CNBD1: variants seen among roughly 807,000 people sequenced by gnomAD.
The protein encoded by CNBD1 is cyclic nucleotide binding domain containing 1.
In CNBD1, 71 loss-of-function variants were observed where a neutral mutation model predicts 54.4. The ratio of observed to expected loss-of-function variants is 1.30; its 90% CI spans 1.08 to 1.59. The LOEUF (loss-of-function observed/expected upper bound fraction) is 1.59. CNBD1 is among the 40% of genes most tolerant of loss of function. The probability of loss-of-function intolerance (pLI) is 0.00; values close to 1 mark genes in which losing one functional copy is unlikely to be tolerated. For synonymous variants in CNBD1, 182 were observed against 170.7 expected, an observed-to-expected ratio of 1.07 and a Z score of -0.51; for missense variants, 659 against 518.0, an observed-to-expected ratio of 1.27 and a Z score of -2.64.
rs1218972535 is a variant in CNBD1 at position 87,395,276 on chromosome 8, A to G, written c.214-33270A>G. Among the ~76,000 whole-genome samples the G allele has an allele frequency of 2.6e-5, 4 of 151,878 alleles. No homozygotes were observed. The Admixed American group carries it at 2.6e-4, about 10-fold the overall frequency. On this transcript the variant is annotated intron_variant, in intron 2 of 7. Transcript: ENST00000521593. ...GTTATGAGGATACATAGCTTCCTGT[A>G]TGCTTGTGATATTGGCATAGTATAT... is the stretch of plus-strand genomic sequence containing the variant.
rs892867684 is a variant in CNBD1 at position 87,206,268 on chromosome 8, T to C, written c.577+130T>C. On this transcript the variant is annotated intron_variant, in intron 5 of 10. Coordinates refer to ENST00000518476, the MANE Select transcript of CNBD1 (RefSeq NM_173538.3). ...ACATGGTAAAAATGTACTATTTGGGTGTGTTTCATTTGTAAGTTTATAAGT... is the reference window on the plus strand; with the variant it reads ...ACATGGTAAAAATGTACTATTTGGGCGTGTTTCATTTGTAAGTTTATAAGT... 3 of 693,220 alleles carry C rather than the reference T, an allele frequency of 4.3e-6. No homozygotes were observed. The Admixed American group carries it at 1.2e-4, about 28-fold the overall frequency. The allele number at this position is 693,220 out of a possible 1,614,324, so 42.9% of individuals were successfully genotyped here.
intron 4 of CNBD1, among the ~76,000 whole-genome samples, chr8:87,033,097 T>G (rs1336497555): frequency 6.6e-6 from 1 of 152,222 alleles, no homozygotes; most frequent in Non-Finnish European, 1.5e-5. Context: ...GTTTCAGGCT[T>G]GATGACCTTT....
chr8:86,988,709 T>C (rs1808668645), intron 4 of CNBD1, among the ~76,000 whole-genome samples: 1 of 152,098 alleles, frequency 6.6e-6, no homozygotes, highest in African/African-American at 2.4e-5. Context: ...CATTATTCTC[T>C]TCTCTACCTC....
intron 8 of CNBD1, among the ~76,000 whole-genome samples, chr8:87,291,171 T>G (rs1188093683): frequency 6.6e-6 from 1 of 152,200 alleles, no homozygotes; most frequent in African/African-American, 2.4e-5. Context: ...GGGCCATACC[T>G]ATATCTCAAA....
At chr8:87,373,076 T>A (rs1810851753) in intron 10 of CNBD1, among the ~76,000 whole-genome samples, 3 of 151,814 alleles carry the variant, frequency 2.0e-5, no homozygotes, top group Non-Finnish European at 4.4e-5. Flanking sequence ...TTTCAAGTAT[T>A]TGGATGGGTG....
At chr8:86,994,706 A>G (rs570832225) in intron 4 of CNBD1, among the ~76,000 whole-genome samples, 1 of 151,456 alleles carries the variant, frequency 6.6e-6, no homozygotes, top group South Asian at 2.1e-4. Flanking sequence ...CAGGGTCCCC[A>G]GCTTCCTTTC....
In CNBD1 at chr8:86,898,477, T is replaced by C. The variant is rs1199612129; in HGVS notation, c.159-6604T>C. 2.6e-5 allele frequency among the ~76,000 whole-genome samples: 4 copies of C among 152,072 alleles called. No homozygotes were observed. In the East Asian group the frequency reaches 7.7e-4, roughly 29 times the overall value. Reference sequence around the variant, plus strand: ...GTGTGGTATTAGCAAAATAGACAAGTGGATCAATTAAACAGAATACAGAGC... The same window carrying C: ...GTGTGGTATTAGCAAAATAGACAAGCGGATCAATTAAACAGAATACAGAGC... On this transcript the variant is annotated intron_variant, in intron 2 of 10. Transcript: ENST00000518476.
chr8:87,250,703 A>G (rs1227068086), intron 6 of CNBD1, among the ~76,000 whole-genome samples: 1 of 152,230 alleles, frequency 6.6e-6, no homozygotes. Context: ...CATTATATCA[A>G]GTGAAATAAG....
chr8:87,072,794 A>G (rs759218028), intron 4 of CNBD1, among the ~76,000 whole-genome samples: 40 of 148,286 alleles, frequency 2.7e-4, no homozygotes, highest in Non-Finnish European at 2.2e-4. Flanking sequence ...CTTGGGGTTG[A>G]TTTTCTCGTG....
chr8:87,226,909 T>C (rs1814512177), intron 5 of CNBD1, among the ~76,000 whole-genome samples: 1 of 151,706 alleles, frequency 6.6e-6, no homozygotes, highest in Non-Finnish European at 1.5e-5. Flanking sequence ...ACTTGCTTTA[T>C]GAATCTGGGT....
At chr8:87,241,782 A>G (rs1217025610) in intron 6 of CNBD1, among the ~76,000 whole-genome samples, 2 of 152,078 alleles carry the variant, frequency 1.3e-5, no homozygotes, top group Admixed American at 6.5e-5. Context: ...ACAAAATGAT[A>G]CTTATTTGTG....
intron 6 of CNBD1, among the ~76,000 whole-genome samples, chr8:87,275,571 C>T (rs559267886): frequency 2.0e-5 from 3 of 151,654 alleles, no homozygotes; most frequent in Admixed American, 1.3e-4. Flanking sequence ...TGGGACGTAT[C>T]TCAAAATAAT....
At chr8:87,159,593 T>C (rs1208613165) in intron 4 of CNBD1, among the ~76,000 whole-genome samples, 2 of 152,038 alleles carry the variant, frequency 1.3e-5, no homozygotes, top group African/African-American at 4.8e-5. Flanking sequence ...CCTTTTAAGG[T>C]AGTGATGCTG....
chr8:87,308,725 C>T (rs1274277055), intron 8 of CNBD1, among the ~76,000 whole-genome samples: 3 of 151,966 alleles, frequency 2.0e-5, no homozygotes, highest in African/African-American at 4.8e-5. Flanking sequence ...ACCCATTAAC[C>T]AGTCTCTCTT....
chr8:87,380,958 TA>T (rs1811060896), intron 10 of CNBD1, among the ~76,000 whole-genome samples: 1 of 151,960 alleles, frequency 6.6e-6, no homozygotes, highest in African/African-American at 2.4e-5. Context: ...AATACGTAGT[TA>T]AAAATATTTT....
At chr8:87,127,008 A>G (rs1192201518) in intron 4 of CNBD1, among the ~76,000 whole-genome samples, 1 of 151,806 alleles carries the variant, frequency 6.6e-6, no homozygotes, top group Non-Finnish European at 1.5e-5. Context: ...TGAAACAAAT[A>G]GTGACGCAAA....
At chr8:86,981,317 A>G (rs1808482758) in intron 4 of CNBD1, among the ~76,000 whole-genome samples, 1 of 152,158 alleles carries the variant, frequency 6.6e-6, no homozygotes, top group Non-Finnish European at 1.5e-5. Flanking sequence ...TATGGCCTTC[A>G]TTTGCTATAT....
chr8:87,186,718 T>G (rs1400500626), intron 4 of CNBD1, among the ~76,000 whole-genome samples: 1 of 152,052 alleles, frequency 6.6e-6, no homozygotes, highest in African/African-American at 2.4e-5. Flanking sequence ...CTTATTTATT[T>G]AAATAAAAAT....
At chr8:87,280,333 C>CT (rs1336132221) in intron 6 of CNBD1, among the ~76,000 whole-genome samples, 2 of 151,400 alleles carry the variant, frequency 1.3e-5, no homozygotes, top group African/African-American at 4.8e-5. Flanking sequence ...TCTTTGGAGA[C>CT]TTAGACAACT....
Sources: allele counts gnomAD v4.1 joint callset (sites outside exome capture counted in the v4.1 genomes callset), GRCh38; gene constraint gnomAD v4.1.1; transcripts MANE v1.5; gene names NCBI Gene and HGNC (gene_info 2026-07-23, HGNC 2026-07-21).